OR4M1: variants seen among roughly 807,000 people sequenced by gnomAD.
The protein encoded by OR4M1 is olfactory receptor 4M1.
A neutral mutation model predicts 9.8 loss-of-function variants in OR4M1; 7 were observed. The observed-to-expected ratio is 0.71, with a 90% confidence interval of 0.41 to 1.34. OR4M1 has a LOEUF of 1.34. Among genes scored for constraint, OR4M1 ranks in the 40% most tolerant of loss-of-function variants. The probability of loss-of-function intolerance (pLI) is 0.01; values close to 1 mark genes in which losing one functional copy is unlikely to be tolerated. For missense variants in OR4M1, 331 were observed against 380.4 expected (o/e 0.87, Z 1.08); for synonymous variants, 121 against 139.8 (o/e 0.87, Z 0.95).
In OR4M1 at chr14:19,781,645, T is replaced by C. The variant is rs1878503038; in HGVS notation, c.*381T>C. The C allele has an allele frequency of 4.9e-6, 1 of 203,872 alleles. No homozygotes were observed. The highest frequency in any genetic ancestry group is 9.9e-6 in the Non-Finnish European group (1 of 100,960). The allele number at this position is 203,872 out of a possible 1,614,324, so 12.6% of individuals were successfully genotyped here. On this transcript the variant is annotated 3_prime_UTR_variant, in exon 2 of 2. Coordinates refer to ENST00000641200, the MANE Select transcript of OR4M1 (RefSeq NM_001005500.2). ...ACAAATATGAAGTAAATGGCAAGCA[T>C]ATGGATGCAGCTAGCTTCAAGTTAG... is the stretch of plus-strand genomic sequence containing the variant.
rs1483621213 is a variant in OR4M1 at position 19,782,439 on chromosome 14, G to A, written c.*1175G>A. The A allele has an allele frequency of 6.6e-6, 1 of 152,214 alleles. No homozygotes were observed. The highest frequency in any genetic ancestry group is 1.9e-4 in the East Asian group (1 of 5,204). The allele number at this position is 152,214 out of a possible 1,614,324, so 9.4% of individuals were successfully genotyped here. Reference sequence around the variant, plus strand: ...AATGCATTGGGTGTATTAAGCTTTAGTCTTCTTTTTTAAATTTGATAATGT... The same window carrying A: ...AATGCATTGGGTGTATTAAGCTTTAATCTTCTTTTTTAAATTTGATAATGT... On this transcript the variant is annotated 3_prime_UTR_variant, in exon 2 of 2. Coordinates refer to ENST00000641200, the MANE Select transcript of OR4M1 (RefSeq NM_001005500.2).
Position 19,781,480 on chromosome 14 carries a change from A to C in OR4M1, c.*216A>C. Reference sequence around the variant, plus strand: ...CCTACCCTGAAATTCCAGGCAGATCATTATTAGAATTTGAGATATAATAAT... The same window carrying C: ...CCTACCCTGAAATTCCAGGCAGATCCTTATTAGAATTTGAGATATAATAAT... On this transcript the variant is annotated 3_prime_UTR_variant, in exon 2 of 2. Transcript: ENST00000641200. The C allele has an allele frequency of 1.9e-6, 1 of 531,324 alleles. No homozygotes were observed. Among genetic ancestry groups the C allele is most frequent in the South Asian group, 3.1e-5 (1 of 32,444 alleles). The allele number at this position is 531,324 out of a possible 1,614,324, so 32.9% of individuals were successfully genotyped here.
chr14:19,779,914 A>T (rs1338866148), intron 1 of OR4M1, among the ~76,000 whole-genome samples: 6 of 152,264 alleles, frequency 3.9e-5, no homozygotes, highest in African/African-American at 1.4e-4. Context: ...AATAAGATCT[A>T]GAAAAAAGAG....
At chr14:19,773,693 C>T (rs1344566202) in intron 1 of OR4M1, 100 bp downstream of exon 1, 1 of 152,424 alleles carries the variant, frequency 6.6e-6, no homozygotes, top group Non-Finnish European at 1.5e-5. Context: ...TGCTCAGAGA[C>T]CAGTGGTTAG....
At chr14:19,774,919 C>T (rs1167567204) in intron 1 of OR4M1, among the ~76,000 whole-genome samples, 2 of 152,196 alleles carry the variant, frequency 1.3e-5, no homozygotes, top group African/African-American at 4.8e-5. Context: ...AAATGAAACC[C>T]TTAGCTCCCC....
intron 1 of OR4M1, among the ~76,000 whole-genome samples, chr14:19,775,589 ATATAAT>A (rs1470711651): frequency 6.8e-6 from 1 of 147,410 alleles, no homozygotes; most frequent in African/African-American, 2.5e-5. Flanking sequence ...ATATGTAAAT[ATATAAT>A]TATAATATAT....
intron 1 of OR4M1, among the ~76,000 whole-genome samples, chr14:19,775,544 A>G (rs1878285413): frequency 6.8e-6 from 1 of 147,630 alleles, no homozygotes; most frequent in South Asian, 2.1e-4. Flanking sequence ...ATATATATAT[A>G]ATATAATATA....
intron 1 of OR4M1, among the ~76,000 whole-genome samples, chr14:19,774,134 C>T (rs769716420): frequency 2.0e-5 from 3 of 152,112 alleles, no homozygotes; most frequent in Admixed American, 2.0e-4. Context: ...GTAGTAAAAG[C>T]TTTGAAAATA....
chr14:19,774,616 T>C (rs1217184252), intron 1 of OR4M1, among the ~76,000 whole-genome samples: 2 of 152,258 alleles, frequency 1.3e-5, no homozygotes, highest in East Asian at 1.9e-4. Context: ...TTATGGAACT[T>C]ATATATACAA....
intron 1 of OR4M1, among the ~76,000 whole-genome samples, chr14:19,775,124 C>A (rs111715108): frequency 6.6e-6 from 1 of 152,216 alleles, no homozygotes; most frequent in African/African-American, 2.4e-5. Flanking sequence ...CTGATATCAA[C>A]CAACCACTGA....
At position 19,780,499 on chromosome 14, in the gene OR4M1, G is replaced by A. The variant is rs749773803; in HGVS notation, c.177G>A (p.Met59Ile). Residue 59 changes from methionine (M) to isoleucine (I), a missense_variant, in exon 2 of 2, where the codon ATG becomes ATA. Transcript: ENST00000641200. Reference protein sequence around the residue: ...IRLDPHLTSPMYFLLANLALL... With the variant: ...IRLDPHLTSPIYFLLANLALL... ...TAGACCCTCATCTGACTTCTCCTAT[G>A]TATTTCCTGTTGGCTAATCTGGCCC... 18 of 1,614,058 alleles carry A rather than the reference G, an allele frequency of 1.1e-5. No homozygotes were observed. The South Asian group carries it at 1.6e-4, about 15-fold the overall frequency.
rs1878502839 is a variant in OR4M1 at position 19,781,633 on chromosome 14, A to G, written c.*369A>G. ...GACGTGTCCATTACAAATATGAAGT[A>G]AATGGCAAGCATATGGATGCAGCTA... is the stretch of plus-strand genomic sequence containing the variant. On this transcript the variant is annotated 3_prime_UTR_variant, in exon 2 of 2. Transcript: ENST00000641200. The G allele has an allele frequency of 4.7e-6, 1 of 214,968 alleles. No individual in the cohort carries two copies. The highest frequency in any genetic ancestry group is 1.0e-4 in the South Asian group (1 of 10,022). 13.3% of individuals were successfully genotyped at this position (214,968 alleles called of 1,614,324 possible). A position where few individuals can be genotyped will look rare whatever the true frequency, so the allele number is the denominator to read the frequency against.
intron 1 of OR4M1, among the ~76,000 whole-genome samples, chr14:19,778,722 T>C (rs1878380654): frequency 6.6e-6 from 1 of 152,234 alleles, no homozygotes. Flanking sequence ...TTATTAGTTA[T>C]GGGGGCTATG....
chr14:19,780,243 A>G, intron 1 of OR4M1, 51 bp from the exon 2 acceptor site: 1 of 1,405,928 alleles, frequency 7.1e-7, no homozygotes, highest in Non-Finnish European at 9.7e-7. Context: ...CAGTGATATA[A>G]CTCTAGATAA....
At chr14:19,776,229 A>T (rs1353163834) in intron 1 of OR4M1, among the ~76,000 whole-genome samples, 1 of 152,242 alleles carries the variant, frequency 6.6e-6, no homozygotes, top group Non-Finnish European at 1.5e-5. Context: ...TTTACTCTTC[A>T]TAGGATTTTA....
intron 1 of OR4M1, among the ~76,000 whole-genome samples, chr14:19,776,313 T>A (rs1400104307): frequency 2.0e-5 from 3 of 152,218 alleles, no homozygotes; most frequent in Non-Finnish European, 1.5e-5. Context: ...TAGAGGAAGA[T>A]TTCATGACCT....
chr14:19,780,650 T>C lies in OR4M1; in HGVS notation c.328T>C (p.Ser110Pro). The change falls in exon 2 of 2, where the codon TCG (serine) becomes CCG (proline). Residue 110 changes from serine (S) to proline (P), a missense_variant. This residue lies in a region of OR4M1 where 209 missense variants were observed against 200.0 expected (regional missense o/e 1.04). Coordinates refer to ENST00000641200, the MANE Select transcript of OR4M1 (RefSeq NM_001005500.2). ...QLFFLHFVGA[S>P]EMFLLTVMAY... ...CTTCTTCTTACACTTTGTTGGGGCT[T>C]CGGAGATGTTCTTGCTCACAGTGAT... is the stretch of plus-strand genomic sequence containing the variant. 11 of 1,614,258 alleles carry C rather than the reference T, an allele frequency of 6.8e-6. No individual in the cohort carries two copies. Among genetic ancestry groups the C allele is most frequent in the Non-Finnish European group, 8.5e-6 (10 of 1,180,042 alleles).
rs1878521930 is a variant in OR4M1, at chr14:19,782,244, T to G, written c.*980T>G. The G allele has an allele frequency of 6.6e-6, 1 of 152,282 alleles. No homozygotes were observed. The highest frequency in any genetic ancestry group is 1.5e-5 in the Non-Finnish European group (1 of 68,048). The allele number at this position is 152,282 out of a possible 1,614,324, so 9.4% of individuals were successfully genotyped here. A position where few individuals can be genotyped will look rare whatever the true frequency, so the allele number is the denominator to read the frequency against. ...GGATGTGTTGGTTCCCATGATCCCT[T>G]AGAGAATTATTAGGGACTGATTTCC... On this transcript the variant is annotated 3_prime_UTR_variant, in exon 2 of 2. Transcript: ENST00000641200.
chr14:19,781,208 G>C lies in OR4M1; in HGVS notation c.886G>C (p.Val296Leu). 1 of 1,614,010 alleles carries C rather than the reference G, an allele frequency of 6.2e-7. No homozygotes were observed. The highest frequency in any genetic ancestry group is 1.1e-5 in the South Asian group (1 of 91,060). ...PIIYTLRNKE[V>L]KAAMRKVVTK... ...TATTTACACATTGAGAAACAAGGAA[G>C]TAAAGGCAGCCATGAGGAAGGTGGT... The change falls in exon 2 of 2, where the codon GTA becomes CTA. Residue 296 changes from valine (V) to leucine (L), a missense_variant. Coordinates refer to ENST00000641200, the MANE Select transcript of OR4M1 (RefSeq NM_001005500.2).
Sources: gnomAD v4.1 joint callset for allele counts (sites outside exome capture counted in the v4.1 genomes callset) on GRCh38, gnomAD v4.1.1 for gene constraint, gnomAD v4.1.1 regional missense constraint, MANE v1.5 for transcripts, NCBI Gene and HGNC (gene_info 2026-07-23, HGNC 2026-07-21) for gene names.